STPG2: variants seen among roughly 807,000 people sequenced by gnomAD.
The protein encoded by STPG2 is sperm tail PG-rich repeat containing 2.
Under a neutral mutation model 54.2 loss-of-function variants are expected in STPG2, and 56 were observed. The ratio of observed to expected loss-of-function variants is 1.03; its 90% CI spans 0.83 to 1.29. The LOEUF (loss-of-function observed/expected upper bound fraction) is 1.29. Ranked by LOEUF, STPG2 falls within the 50% of genes most tolerant of loss-of-function variation. The pLI is 0.00. For missense variants in STPG2, 596 were observed against 544.9 expected (o/e 1.09, Z -0.93); for synonymous variants, 200 against 181.8 (o/e 1.10, Z -0.81).
chr4:97,726,819 C>T (rs1275679623), intron 9 of STPG2, among the ~76,000 whole-genome samples: 2 of 151,502 alleles, frequency 1.3e-5, no homozygotes, highest in Non-Finnish European at 3.0e-5. Flanking sequence ...AACATACACA[C>T]ACACACACAC....
chr4:97,555,231 C>T (rs984141576), downstream of STPG2, among the ~76,000 whole-genome samples: 1 of 152,174 alleles, frequency 6.6e-6, no homozygotes, highest in Non-Finnish European at 1.5e-5. Flanking sequence ...TATAAGTAAA[C>T]TCTTTGAAAC....
chr4:98,050,091 T>C (rs1475597190), intron 5 of STPG2, among the ~76,000 whole-genome samples: 3 of 152,108 alleles, frequency 2.0e-5, no homozygotes, highest in Non-Finnish European at 4.4e-5. Context: ...TATCAACCAA[T>C]TACAATGTAT....
chr4:97,712,844 T>C (rs748930540), intron 9 of STPG2, 30 bp from the exon 10 acceptor site: 2 of 1,448,770 alleles, frequency 1.4e-6, no homozygotes, highest in Non-Finnish European at 1.9e-6. Context: ...AAAATTATGA[T>C]AAAGTATATT....
intron 9 of STPG2, among the ~76,000 whole-genome samples, chr4:97,770,558 G>C (rs1461621154): frequency 6.6e-6 from 1 of 152,144 alleles, no homozygotes; most frequent in African/African-American, 2.4e-5. Context: ...GAGGTTTTGA[G>C]AAAAAATTAA....
At chr4:97,885,006 GA>G (rs1427410236) in intron 8 of STPG2, among the ~76,000 whole-genome samples, 1 of 152,058 alleles carries the variant, frequency 6.6e-6, no homozygotes, top group African/African-American at 2.4e-5. Flanking sequence ...AGCCTTCTAG[GA>G]AAGACATAAT....
intron 9 of STPG2, among the ~76,000 whole-genome samples, chr4:97,812,110 A>G (rs1727758713): frequency 6.6e-6 from 1 of 152,122 alleles, no homozygotes; most frequent in African/African-American, 2.4e-5. Flanking sequence ...AAATAGTTAA[A>G]TGCAGTGTGA....
intron 10 of STPG2, among the ~76,000 whole-genome samples, chr4:97,626,802 G>C (rs1159327898): frequency 2.0e-5 from 3 of 151,382 alleles, no homozygotes; most frequent in Non-Finnish European, 2.9e-5. Context: ...CATATTTTTT[G>C]CTATTTACAT....
chr4:97,495,655 T>A (rs112755548), intron 4 of STPG2, among the ~76,000 whole-genome samples: 3,310 of 149,116 alleles, frequency 0.022, 79 homozygotes, highest in African/African-American at 0.064. Context: ...GTAGTCAAGC[T>A]ACTTATTTTG....
chr4:97,905,480 C>A (rs1308801743), intron 8 of STPG2, among the ~76,000 whole-genome samples: 1 of 151,876 alleles, frequency 6.6e-6, no homozygotes, highest in Non-Finnish European at 1.5e-5. Context: ...AAGGAACAAC[C>A]GGTACCAGCC....
chr4:97,649,785 G>A (rs935158709), intron 10 of STPG2, among the ~76,000 whole-genome samples: 1 of 152,062 alleles, frequency 6.6e-6, no homozygotes, highest in Admixed American at 6.6e-5. Context: ...TTGGCACCAG[G>A]GACCGGTTTC....
intron 8 of STPG2, among the ~76,000 whole-genome samples, chr4:97,894,109 G>A (rs1730870643): frequency 1.3e-5 from 2 of 151,944 alleles, no homozygotes; most frequent in African/African-American, 4.8e-5. Context: ...ATGTATAAAA[G>A]TTTGGCCTTA....
At chr4:97,977,166 T>C (rs1306772479) in intron 6 of STPG2, among the ~76,000 whole-genome samples, 1 of 152,198 alleles carries the variant, frequency 6.6e-6, no homozygotes, top group Non-Finnish European at 1.5e-5. Flanking sequence ...ATCTTCATTA[T>C]AGCTTAACTT....
intron 8 of STPG2, among the ~76,000 whole-genome samples, chr4:97,908,385 G>A (rs1731533634): frequency 6.7e-6 from 1 of 150,322 alleles, no homozygotes; most frequent in Non-Finnish European, 1.5e-5. Context: ...GAGAGGATGT[G>A]GAGAAATAGG....
chr4:97,756,592 C>T (rs1725739586), intron 9 of STPG2, among the ~76,000 whole-genome samples: 1 of 152,078 alleles, frequency 6.6e-6, no homozygotes. Flanking sequence ...TCCCAAAGTG[C>T]TGCTATTACA....
chr4:97,915,955 A>G (rs1052918722), intron 8 of STPG2, among the ~76,000 whole-genome samples: 20 of 152,338 alleles, frequency 1.3e-4, no homozygotes, highest in Middle Eastern at 3.4e-3. Context: ...GTCACTGGTG[A>G]TAGCAGATGG....
chr4:97,941,167 A>G (rs1732965912), intron 8 of STPG2, among the ~76,000 whole-genome samples: 1 of 152,100 alleles, frequency 6.6e-6, no homozygotes, highest in Admixed American at 6.6e-5. Flanking sequence ...TTGCTAAGCT[A>G]GTACCTGACA....
intron 9 of STPG2, among the ~76,000 whole-genome samples, chr4:97,839,274 T>C (rs1728722901): frequency 6.6e-6 from 1 of 151,596 alleles, no homozygotes; most frequent in Non-Finnish European, 1.5e-5. Flanking sequence ...ATCTCAACTG[T>C]GAAAAACAGA....
chr4:97,558,853 AAT>A (rs1418110600), downstream of STPG2: 1 of 532,686 alleles, frequency 1.9e-6, no homozygotes, highest in African/African-American at 2.0e-5. Context: ...TAAATAATAC[AAT>A]ATGACTTTTT....
At chr4:98,017,066 A>G (rs35531558) in intron 5 of STPG2, among the ~76,000 whole-genome samples, 60,013 of 152,098 alleles carry the variant, frequency 0.39, 12,087 homozygotes, top group Middle Eastern at 0.46. Flanking sequence ...CACAGGTGCT[A>G]GCCTGAAGCC....
Sources: gnomAD v4.1 joint callset for allele counts (sites outside exome capture counted in the v4.1 genomes callset) on GRCh38, gnomAD v4.1.1 for gene constraint, MANE v1.5 for transcripts, NCBI Gene and HGNC (gene_info 2026-07-23, HGNC 2026-07-21) for gene names.